Variants in PKIG observed in about 807,000 individuals in gnomAD.
The protein encoded by PKIG is protein kinase (cAMP-dependent, catalytic) inhibitor gamma.
Under a neutral mutation model 6.8 loss-of-function variants are expected in PKIG, and 1 was observed. The ratio of observed to expected loss-of-function variants is 0.15; its 90% CI spans 0.05 to 0.69. PKIG has a LOEUF of 0.69. Ranked by LOEUF, PKIG falls within the 30% of genes least tolerant of loss-of-function variation. The probability of loss-of-function intolerance (pLI) is 0.82; values close to 1 mark genes in which losing one functional copy is unlikely to be tolerated. For synonymous variants in PKIG, 39 were observed against 43.0 expected (o/e 0.91, Z 0.36); for missense variants, 77 against 104.0 (o/e 0.74, Z 1.13).
intron 1 of PKIG, among the ~76,000 whole-genome samples, chr20:44,542,923 T>C (rs2123154473): frequency 6.6e-6 from 1 of 152,306 alleles, no homozygotes; most frequent in African/African-American, 2.4e-5. Context: ...AAATTGGGAC[T>C]TGTGGTGTGA....
chr20:44,554,522 G>T (rs2064696656), intron 1 of PKIG, among the ~76,000 whole-genome samples: 1 of 152,146 alleles, frequency 6.6e-6, no homozygotes, highest in Non-Finnish European at 1.5e-5. Flanking sequence ...GGGTTTTTGA[G>T]CAGGGTCCAG....
At chr20:44,607,377 ATTTTTTTTTTT>A (rs59226646) in intron 2 of PKIG, among the ~76,000 whole-genome samples, 1 of 94,256 alleles carries the variant, frequency 1.1e-5, no homozygotes, top group Admixed American at 1.3e-4. Flanking sequence ...ATATATATAT[ATTTTTTTTTTT>A]TTTTTTTTGA....
In PKIG at chr20:44,618,564, A is replaced by G; in HGVS notation, c.*200A>G. ...CCACACCCACAGGCTTCACATTCCCACCACCTTCGCACCGTGCCCAGGTAC... is the reference window on the plus strand; with the variant it reads ...CCACACCCACAGGCTTCACATTCCCGCCACCTTCGCACCGTGCCCAGGTAC... On this transcript the variant is annotated 3_prime_UTR_variant, in exon 4 of 4. Transcript: ENST00000372886. The G allele has an allele frequency of 1.8e-6, 1 of 544,086 alleles. No individual in the cohort carries two copies. Among genetic ancestry groups the G allele is most frequent in the South Asian group, 2.0e-5 (1 of 50,588 alleles). 33.7% of individuals were successfully genotyped at this position (544,086 alleles called of 1,614,324 possible).
At chr20:44,551,543 C>T (rs1011365609) in intron 1 of PKIG, among the ~76,000 whole-genome samples, 36 of 152,128 alleles carry the variant, frequency 2.4e-4, no homozygotes, top group Admixed American at 1.3e-4. Flanking sequence ...TTCTATAAGA[C>T]AGCCCCTCAA....
At chr20:44,584,152 A>G (rs35777099) in intron 1 of PKIG, among the ~76,000 whole-genome samples, 19,238 of 152,148 alleles carry the variant, frequency 0.13, 1,655 homozygotes, top group Non-Finnish European at 0.2. Flanking sequence ...ACTGAGGACA[A>G]CCATCTACTT....
At chr20:44,616,693 C>T (rs189175502) in intron 3 of PKIG, among the ~76,000 whole-genome samples, 65 of 152,332 alleles carry the variant, frequency 4.3e-4, no homozygotes, top group Middle Eastern at 6.8e-3. Flanking sequence ...GAAACACTCA[C>T]GGTGGCGTCC....
At chr20:44,609,033 T>G (rs561380578) in intron 2 of PKIG, among the ~76,000 whole-genome samples, 2 of 152,350 alleles carry the variant, frequency 1.3e-5, no homozygotes, top group Non-Finnish European at 2.9e-5. Flanking sequence ...GATTTCCAAC[T>G]CTGAGGATTC....
At chr20:44,565,164 G>T (rs553619621) in intron 1 of PKIG, among the ~76,000 whole-genome samples, 2 of 152,186 alleles carry the variant, frequency 1.3e-5, no homozygotes, top group South Asian at 2.1e-4. Flanking sequence ...GTGTTAGTGG[G>T]TTTTTTTCTA....
chr20:44,604,711 A>G (rs537681279), intron 2 of PKIG, among the ~76,000 whole-genome samples: 6 of 152,350 alleles, frequency 3.9e-5, no homozygotes, highest in South Asian at 4.1e-4. Flanking sequence ...AACTCATGCA[A>G]TAATTCATCA....
In PKIG at chr20:44,618,272, C is replaced by A; in HGVS notation, c.152-13C>A. The A allele has an allele frequency of 2.5e-6, 4 of 1,593,064 alleles. No individual in the cohort carries two copies. The highest frequency in any genetic ancestry group is 3.4e-6 in the Non-Finnish European group (4 of 1,160,944). On this transcript the variant is annotated splice_polypyrimidine_tract_variant and intron_variant, in intron 3 of 3. Transcript: ENST00000372886. Reference sequence around the variant, plus strand: ...ATATGTGCCCAAGAAAAACCTCTTTCTCTCCTCTCCAGAAGGACAGGTGGA... The same window carrying A: ...ATATGTGCCCAAGAAAAACCTCTTTATCTCCTCTCCAGAAGGACAGGTGGA...
intron 1 of PKIG, among the ~76,000 whole-genome samples, chr20:44,562,036 C>A (rs1477923640): frequency 2.0e-5 from 3 of 152,072 alleles, no homozygotes; most frequent in Non-Finnish European, 4.4e-5. Flanking sequence ...TGCCTGTAGT[C>A]CAAGCTGCTT....
At chr20:44,585,513 A>G (rs1302730899) in intron 1 of PKIG, among the ~76,000 whole-genome samples, 1 of 152,246 alleles carries the variant, frequency 6.6e-6, no homozygotes, top group Admixed American at 6.5e-5. Flanking sequence ...AGAAAGGCAC[A>G]GAGAGGTGCA....
At position 44,614,425 on chromosome 20, in the gene PKIG, G is replaced by T. The variant is rs41282034; in HGVS notation, c.-23-109G>T. ...GCTTTTTGCTTTGTTTTCAATAAGA[G>T]GCAATAACTGTCATTTTGACAGAAG... On this transcript the variant is annotated intron_variant, in intron 2 of 3. Coordinates refer to ENST00000372886, the MANE Select transcript of PKIG (RefSeq NM_001281445.2). This position sits in a 1 kb window ranked among gnomAD's most constrained non-coding sequence, Gnocchi z 4.6. 1,032 of 747,882 alleles carry T rather than the reference G, an allele frequency of 1.4e-3. No individual in the cohort carries two copies. Among genetic ancestry groups the T allele is most frequent in the Non-Finnish European group, 1.9e-3 (871 of 452,260 alleles). The allele number at this position is 747,882 out of a possible 1,614,324, so 46.3% of individuals were successfully genotyped here.
chr20:44,589,775 T>G (rs575749356), intron 1 of PKIG, 22 bp from the exon 2 acceptor site: 1 of 152,482 alleles, frequency 6.6e-6, no homozygotes, highest in South Asian at 2.1e-4. Flanking sequence ...CTCTAATTTT[T>G]GTTTTTCTTC....
chr20:44,574,435 G>A (rs146040140), intron 1 of PKIG, among the ~76,000 whole-genome samples: 6 of 151,866 alleles, frequency 4.0e-5, no homozygotes, highest in South Asian at 2.1e-4. Flanking sequence ...CCCATTACCC[G>A]GCTTCAAAAA....
intron 1 of PKIG, among the ~76,000 whole-genome samples, chr20:44,568,558 C>A (rs1287984266): frequency 6.6e-6 from 1 of 151,958 alleles, no homozygotes; most frequent in Non-Finnish European, 1.5e-5. Flanking sequence ...TCAAGTGATT[C>A]TCCTGCCTCA....
intron 1 of PKIG, among the ~76,000 whole-genome samples, chr20:44,541,779 C>T (rs1246226378): frequency 1.3e-5 from 2 of 150,772 alleles, no homozygotes; most frequent in Non-Finnish European, 2.9e-5. Context: ...AGCCTCGCCT[C>T]CCAGGTTCAA....
chr20:44,615,285 CTGT>C (rs1490358237), intron 3 of PKIG, among the ~76,000 whole-genome samples: 1 of 152,210 alleles, frequency 6.6e-6, no homozygotes, highest in Admixed American at 6.5e-5. Flanking sequence ...TACCTTTGGT[CTGT>C]TTCTCAGTCA....
intron 2 of PKIG, among the ~76,000 whole-genome samples, chr20:44,597,114 A>G (rs1193795561): frequency 6.6e-6 from 1 of 152,086 alleles, no homozygotes; most frequent in Non-Finnish European, 1.5e-5. Context: ...ATACCCAACC[A>G]TCAGTAACAG....
Sources: gnomAD v4.1 joint callset for allele counts (sites outside exome capture counted in the v4.1 genomes callset) on GRCh38, gnomAD v4.1.1 for gene constraint, Gnocchi (gnomAD v3.1) non-coding constraint, MANE v1.5 for transcripts, NCBI Gene and HGNC (gene_info 2026-07-23, HGNC 2026-07-21) for gene names.